The following RBFOX1 variants were observed in gnomAD, a reference collection of about 807,000 sequenced individuals.
RBFOX1 encodes the protein RNA binding protein fox-1 homolog 1.
Under a neutral mutation model 57.7 loss-of-function variants are expected in RBFOX1, and 8 were observed. The observed-to-expected ratio is 0.14, with a 90% CI of 0.08 to 0.25. The LOEUF (loss-of-function observed/expected upper bound fraction) is 0.25. Ranked by LOEUF, RBFOX1 falls within the 10% of genes least tolerant of loss-of-function variation. RBFOX1 has a pLI of 1.00. For synonymous variants in RBFOX1, 326 were observed against 222.4 expected (o/e 1.47, Z -4.15); for missense variants, 611 against 548.5 (o/e 1.11, Z -1.14).
intron 3 of RBFOX1, among the ~76,000 whole-genome samples, chr16:6,901,490 ACT>A (rs1284396570): frequency 6.6e-6 from 1 of 152,028 alleles, no homozygotes; most frequent in Non-Finnish European, 1.5e-5. Flanking sequence ...TTAGCCCATG[ACT>A]CTCGACCTGG....
At chr16:6,353,727 C>T (rs567832758) in intron 2 of RBFOX1, among the ~76,000 whole-genome samples, 22 of 152,252 alleles carry the variant, frequency 1.4e-4, no homozygotes, top group African/African-American at 4.8e-4. Context: ...GTCTTTGCTA[C>T]ACTGGTTTCC....
In RBFOX1 at chr16:6,879,116, T is replaced by G. The variant is rs77245569; in HGVS notation, c.-15-172941T>G. Among the ~76,000 whole-genome samples, 835 of 152,296 alleles carry G rather than the reference T, an allele frequency of 5.5e-3. 17 individuals carry two copies. The highest frequency in any genetic ancestry group is 0.019 in the African/African-American group (799 of 41,562). On this transcript the variant is annotated intron_variant, in intron 3 of 15. Transcript: ENST00000550418. ...AGCTAATAGCTTGAATATATTACAG[T>G]TTGACCTTCATTTCAGCAGGACAGA...
chr16:7,022,568 T>A (rs2039626094), intron 3 of RBFOX1, among the ~76,000 whole-genome samples: 2 of 152,138 alleles, frequency 1.3e-5, no homozygotes. Flanking sequence ...GTGAAGATCC[T>A]AATTTTGAAA....
intron 3 of RBFOX1, among the ~76,000 whole-genome samples, chr16:7,001,400 GTATATGTATATGTATA>G (rs1431915188): frequency 0.056 from 4,613 of 82,606 alleles, 92 homozygotes; most frequent in Admixed American, 0.1. Flanking sequence ...ATGTGTATTT[GTATATGTATATGTATA>G]TGTATATGTA....
intron 2 of RBFOX1, among the ~76,000 whole-genome samples, chr16:6,522,872 C>G (rs2096527685): frequency 6.6e-6 from 1 of 152,142 alleles, no homozygotes. Flanking sequence ...TCTAGCCACA[C>G]TCTTTGTTTC....
intron 2 of RBFOX1, among the ~76,000 whole-genome samples, chr16:6,511,974 A>G (rs940966659): frequency 6.6e-6 from 1 of 152,126 alleles, no homozygotes; most frequent in Non-Finnish European, 1.5e-5. Context: ...TTACCCCTAC[A>G]GGGATAAGAG....
chr16:6,429,738 C>G (rs2094024778), intron 2 of RBFOX1, among the ~76,000 whole-genome samples: 1 of 152,186 alleles, frequency 6.6e-6, no homozygotes, highest in South Asian at 2.1e-4. Context: ...TGCACAAGCT[C>G]TCTTGCCTGC....
At chr16:6,600,977 A>G (rs1157288251) in intron 2 of RBFOX1, among the ~76,000 whole-genome samples, 1 of 152,172 alleles carries the variant, frequency 6.6e-6, no homozygotes. Flanking sequence ...CTTAAATGTG[A>G]TTATAGTCAG....
At chr16:6,651,370 C>G (rs955272319) in intron 2 of RBFOX1, among the ~76,000 whole-genome samples, 7 of 143,954 alleles carry the variant, frequency 4.9e-5, no homozygotes, top group Non-Finnish European at 1.1e-4. Context: ...TTTATCTGGC[C>G]TCTGACTACT....
chr16:6,901,277 T>C (rs1287607620), intron 3 of RBFOX1, among the ~76,000 whole-genome samples: 1 of 152,178 alleles, frequency 6.6e-6, no homozygotes, highest in Non-Finnish European at 1.5e-5. Context: ...ATCTCTTCTG[T>C]CTAAGCCCAT....
At chr16:6,292,520 C>G (rs1463425920) in intron 1 of RBFOX1, among the ~76,000 whole-genome samples, 2 of 152,064 alleles carry the variant, frequency 1.3e-5, no homozygotes, top group Non-Finnish European at 2.9e-5. Context: ...TAATATCCAT[C>G]TTCTTATTGG....
chr16:7,158,606 A>T (rs1426236084), intron 4 of RBFOX1, among the ~76,000 whole-genome samples: 1 of 151,288 alleles, frequency 6.6e-6, no homozygotes, highest in South Asian at 2.1e-4. Context: ...TCCTGTGACC[A>T]TGTGTTTGTA....
At chr16:6,520,867 A>G (rs1268500303) in intron 2 of RBFOX1, among the ~76,000 whole-genome samples, 3 of 152,168 alleles carry the variant, frequency 2.0e-5, no homozygotes, top group Non-Finnish European at 4.4e-5. Context: ...TTGTCAATAG[A>G]AAGTAGGCAG....
chr16:7,173,827 G>A (rs2081169000), intron 4 of RBFOX1, among the ~76,000 whole-genome samples: 1 of 152,160 alleles, frequency 6.6e-6, no homozygotes, highest in African/African-American at 2.4e-5. Flanking sequence ...TACAACTGTT[G>A]TCCTATAATA....
At chr16:6,245,385 G>C (rs1005713412) in intron 1 of RBFOX1, among the ~76,000 whole-genome samples, 9 of 151,980 alleles carry the variant, frequency 5.9e-5, no homozygotes, top group African/African-American at 1.9e-4. Context: ...TCCCTCTAAG[G>C]CCATGTATCT....
rs557164634 is a variant in RBFOX1 at position 5,480,080 on chromosome 16, G to A, written c.258+12826G>A. On this transcript the variant is annotated intron_variant, in intron 2 of 2. Transcript: ENST00000585867. ...TCCAGGCTTGCTGGGCTCCAGTCCA[G>A]GGTGGCTCACATGCTTAAGTGGGAG... Among the ~76,000 whole-genome samples, 3 of 152,276 alleles carry A rather than the reference G, an allele frequency of 2.0e-5. No homozygotes were observed. In the South Asian group the frequency reaches 6.2e-4, roughly 32 times the overall value.
At chr16:6,314,664 G>C (rs570108853) in intron 1 of RBFOX1, among the ~76,000 whole-genome samples, 1 of 152,124 alleles carries the variant, frequency 6.6e-6, no homozygotes, top group Non-Finnish European at 1.5e-5. Flanking sequence ...CAGGAAAGAG[G>C]GGGTAGGAGC....
chr16:5,644,281 A>T (rs1250478640), intron 3 of RBFOX1, among the ~76,000 whole-genome samples: 2 of 152,232 alleles, frequency 1.3e-5, no homozygotes, highest in Non-Finnish European at 2.9e-5. Context: ...AATGCAATTT[A>T]TGTGTAGTAA....
chr16:7,579,358 G>C (rs75822481), intron 5 of RBFOX1, among the ~76,000 whole-genome samples: 1,856 of 152,184 alleles, frequency 0.012, 51 homozygotes, highest in African/African-American at 0.042. Context: ...AATACACACT[G>C]TCCTGCCTTT....
Sources: gnomAD v4.1 joint callset for allele counts (sites outside exome capture counted in the v4.1 genomes callset) on GRCh38, gnomAD v4.1.1 for gene constraint, MANE v1.5 for transcripts, NCBI Gene and HGNC (gene_info 2026-07-23, HGNC 2026-07-21) for gene names.